The following KSR2 variants were observed in gnomAD, a reference collection of about 807,000 sequenced individuals.
KSR2 encodes kinase suppressor of ras 2.
A neutral mutation model predicts 107.8 loss-of-function variants in KSR2; 25 were observed. The observed-to-expected ratio is 0.23, with a 90% CI of 0.17 to 0.32. The LOEUF is 0.32. KSR2 is among the 10% of genes least tolerant of loss of function. The pLI, the probability that KSR2 is intolerant of heterozygous loss-of-function variation, is 1.00. For missense variants in KSR2, 887 were observed against 1,268.9 expected, an observed-to-expected ratio of 0.70 and a Z score of 4.57; for synonymous variants, 480 against 507.0, an observed-to-expected ratio of 0.95 and a Z score of 0.71.
intron 14 of KSR2, among the ~76,000 whole-genome samples, chr12:117,492,903 GA>G (rs1319932710): frequency 3.9e-5 from 6 of 152,104 alleles, no homozygotes; most frequent in Non-Finnish European, 8.8e-5. Context: ...TAAAAAGCTG[GA>G]AAAAGGCAAG....
At chr12:117,900,118 A>T (rs767096810) in intron 1 of KSR2, among the ~76,000 whole-genome samples, 8 of 152,202 alleles carry the variant, frequency 5.3e-5, no homozygotes, top group Non-Finnish European at 1.2e-4. Flanking sequence ...ATCCACAGAA[A>T]CTGTGAGATA....
At chr12:117,826,538 A>G (rs1280515967) in intron 3 of KSR2, among the ~76,000 whole-genome samples, 1 of 152,164 alleles carries the variant, frequency 6.6e-6, no homozygotes, top group East Asian at 1.9e-4. Context: ...ACCATTTAAA[A>G]TACACTGCTT....
chr12:117,776,099 TAATTA>T (rs137898415), intron 3 of KSR2, among the ~76,000 whole-genome samples: 14,054 of 151,920 alleles, frequency 0.093, 752 homozygotes, highest in African/African-American at 0.12. Flanking sequence ...ATTAATTAAT[TAATTA>T]AATTTTTAAA....
chr12:117,527,280 G>GACAC lies in KSR2; in HGVS notation c.1803-165_1803-162dup, dbSNP rs59836858. Among the ~76,000 whole-genome samples the GACAC allele has an allele frequency of 5.5e-3, 679 of 124,532 alleles. 6 individuals carry two copies. The highest frequency in any genetic ancestry group is 0.018 in the African/African-American group (604 of 32,708). The allele number at this position is 124,532 out of a possible 152,430, so 81.7% of individuals were successfully genotyped here. A position where few individuals can be genotyped will look rare whatever the true frequency, so the allele number is the denominator to read the frequency against. ...TGTGTCTGAAATAATCCATAACCTC[G>GACAC]ACACACACACACACACACACAGACA... On this transcript the variant is annotated intron_variant, in intron 12 of 19. Coordinates refer to ENST00000339824, the MANE Select transcript of KSR2 (RefSeq NM_173598.6).
intron 5 of KSR2, among the ~76,000 whole-genome samples, chr12:117,584,627 A>C (rs1329724539): frequency 6.6e-6 from 1 of 152,208 alleles, no homozygotes; most frequent in Non-Finnish European, 1.5e-5. Flanking sequence ...TACATTTTCC[A>C]CCTCTGCAAG....
chr12:117,947,249 G>T, intron 1 of KSR2, among the ~76,000 whole-genome samples: 1 of 124,180 alleles, frequency 8.1e-6, no homozygotes, highest in African/African-American at 3.2e-5. Flanking sequence ...AAGAAAGAAA[G>T]AAAGAAAGAA....
At chr12:117,703,921 G>A (rs1335874318) in intron 4 of KSR2, among the ~76,000 whole-genome samples, 1 of 152,094 alleles carries the variant, frequency 6.6e-6, no homozygotes, top group Non-Finnish European at 1.5e-5. Context: ...AAGAAACTGG[G>A]GAGAAAAAGG....
At chr12:117,942,873 T>C (rs2137539863) in intron 1 of KSR2, among the ~76,000 whole-genome samples, 1 of 152,302 alleles carries the variant, frequency 6.6e-6, no homozygotes, top group African/African-American at 2.4e-5. Flanking sequence ...AGGCTGTGTT[T>C]ATGAGAGCGA....
chr12:117,530,232 T>G (rs993455688), intron 12 of KSR2, among the ~76,000 whole-genome samples: 43 of 152,214 alleles, frequency 2.8e-4, no homozygotes, highest in Admixed American at 3.9e-4. Context: ...TGCCTTTCCC[T>G]TTTTAAAGAA....
intron 5 of KSR2, among the ~76,000 whole-genome samples, chr12:117,617,734 T>C (rs1881964801): frequency 6.6e-6 from 1 of 152,192 alleles, no homozygotes; most frequent in African/African-American, 2.4e-5. Context: ...CATTTTGAGG[T>C]GATTAGAAGT....
chr12:117,932,214 G>A (rs1895713080), intron 1 of KSR2, among the ~76,000 whole-genome samples: 1 of 152,182 alleles, frequency 6.6e-6, no homozygotes, highest in Admixed American at 6.5e-5. Context: ...TTGAACCCAG[G>A]AGGCAGAGGT....
chr12:117,523,143 C>T (rs1397052937), intron 14 of KSR2, among the ~76,000 whole-genome samples: 1 of 152,220 alleles, frequency 6.6e-6, no homozygotes, highest in East Asian at 1.9e-4. Flanking sequence ...CCACCATCTG[C>T]ATCATCTATG....
chr12:117,739,320 A>C, intron 4 of KSR2, among the ~76,000 whole-genome samples: 1 of 152,154 alleles, frequency 6.6e-6, no homozygotes, highest in Non-Finnish European at 1.5e-5. Flanking sequence ...GCGCCACTGC[A>C]CTCCAGCCTG....
chr12:117,541,866 C>T (rs7980992), intron 9 of KSR2, among the ~76,000 whole-genome samples: 100,572 of 151,812 alleles, frequency 0.66, 33,557 homozygotes, highest in African/African-American at 0.73. Flanking sequence ...CTTATCCTTT[C>T]TTTAAATTTT....
rs1891988296 is a variant in KSR2, at chr12:117,831,997, T to C, written c.472+23431A>G. 2.0e-5 allele frequency among the ~76,000 whole-genome samples: 3 copies of C among 152,188 alleles called. No individual in the cohort carries two copies. The South Asian group carries it at 6.2e-4, about 31-fold the overall frequency. ...GTTTTTTCACCTCCTATAAAACTTG[T>C]ACTGTGGCCGGGTGCAGTGGCTCAT... On this transcript the variant is annotated intron_variant, in intron 3 of 19. Transcript: ENST00000339824.
At chr12:117,503,105 A>T (rs543159847) in intron 14 of KSR2, among the ~76,000 whole-genome samples, 3 of 152,078 alleles carry the variant, frequency 2.0e-5, no homozygotes, top group African/African-American at 7.2e-5. Context: ...GAGGGGAGAG[A>T]ACTTATTAGG....
At chr12:117,576,347 A>C (rs1289381869) in intron 7 of KSR2, among the ~76,000 whole-genome samples, 1 of 152,166 alleles carries the variant, frequency 6.6e-6, no homozygotes, top group Non-Finnish European at 1.5e-5. Flanking sequence ...GGAGAAAATC[A>C]GTCAGCCTGG....
At chr12:117,794,142 A>T (rs1486044467) in intron 3 of KSR2, among the ~76,000 whole-genome samples, 108 of 120,760 alleles carry the variant, frequency 8.9e-4, no homozygotes, top group South Asian at 3.7e-3. Flanking sequence ...ACATGCACAC[A>T]CCCCAACATG....
At chr12:117,855,357 G>T in intron 3 of KSR2, 71 bp downstream of exon 3, 2 of 1,560,642 alleles carry the variant, frequency 1.3e-6, no homozygotes, top group East Asian at 2.3e-5. Flanking sequence ...TGGCGGGCAC[G>T]GGATGCCGAG....
Sources: gnomAD v4.1 joint callset for allele counts (sites outside exome capture counted in the v4.1 genomes callset) on GRCh38, gnomAD v4.1.1 for gene constraint, MANE v1.5 for transcripts, NCBI Gene and HGNC (gene_info 2026-07-23, HGNC 2026-07-21) for gene names.